The following SPIRE1 variants were observed in gnomAD, a reference collection of about 807,000 sequenced individuals.
The protein encoded by SPIRE1 is spire type actin nucleation factor 1.
SPIRE1 carries 40 observed loss-of-function variants against 94.1 expected under a neutral mutation model. The ratio of observed to expected loss-of-function variants is 0.43; its 90% CI spans 0.33 to 0.55. The LOEUF is 0.55. SPIRE1 is among the 20% of genes least tolerant of loss of function. The pLI is 0.06. For synonymous variants in SPIRE1, 376 were observed against 371.7 expected, an observed-to-expected ratio of 1.01 and a Z score of -0.13; for missense variants, 838 against 975.2, an observed-to-expected ratio of 0.86 and a Z score of 1.87.
chr18:12,531,512 G>A (rs912458750), intron 4 of SPIRE1, among the ~76,000 whole-genome samples: 1 of 152,100 alleles, frequency 6.6e-6, no homozygotes, highest in Non-Finnish European at 1.5e-5. Context: ...CACCTTTGCC[G>A]GACTGAAGGG....
chr18:12,646,909 T>C (rs2038243011), intron 1 of SPIRE1, among the ~76,000 whole-genome samples: 1 of 152,064 alleles, frequency 6.6e-6, no homozygotes, highest in Non-Finnish European at 1.5e-5. Flanking sequence ...CCAGGCGTGG[T>C]GGTGCATGCC....
At chr18:12,628,749 T>C (rs2037700086) in intron 2 of SPIRE1, among the ~76,000 whole-genome samples, 1 of 152,188 alleles carries the variant, frequency 6.6e-6, no homozygotes, top group Admixed American at 6.6e-5. Context: ...GTAGTTCTCC[T>C]TGAAGAGGTC....
chr18:12,452,715 AG>A lies in SPIRE1; in HGVS notation c.1848-204del, dbSNP rs1399554742. The A allele has an allele frequency of 3.5e-5, 22 of 630,296 alleles. 1 individual carries two copies. In the Middle Eastern group the frequency reaches 1.5e-3, roughly 42 times the overall value. 39.0% of individuals were successfully genotyped at this position (630,296 alleles called of 1,614,324 possible). A position where few individuals can be genotyped will look rare whatever the true frequency, so the allele number is the denominator to read the frequency against. On this transcript the variant is annotated intron_variant, in intron 14 of 16. Coordinates refer to ENST00000409402, the MANE Select transcript of SPIRE1 (RefSeq NM_001128626.2). ...TAACTCTTACACTGTCTCCTATAAA[AG>A]GATCAACTTACATGTGTTTGGAATT... is the stretch of plus-strand genomic sequence containing the variant.
At chr18:12,625,464 G>A (rs2037594588) in intron 2 of SPIRE1, among the ~76,000 whole-genome samples, 1 of 152,266 alleles carries the variant, frequency 6.6e-6, no homozygotes, top group East Asian at 1.9e-4. Flanking sequence ...AACTTCTTGT[G>A]ATGCAATTCC....
chr18:12,518,443 G>A (rs1228337751), intron 4 of SPIRE1, among the ~76,000 whole-genome samples: 16 of 151,432 alleles, frequency 1.1e-4, no homozygotes, highest in African/African-American at 3.6e-4. Context: ...AGTGAGCTGT[G>A]ATTGCATCAC....
chr18:12,480,243 C>T (rs759505312), intron 9 of SPIRE1, among the ~76,000 whole-genome samples: 1 of 152,088 alleles, frequency 6.6e-6, no homozygotes, highest in Non-Finnish European at 1.5e-5. Flanking sequence ...CAAAGCCTTA[C>T]CAGACACATG....
chr18:12,620,921 C>T (rs187675370), intron 2 of SPIRE1, among the ~76,000 whole-genome samples: 12 of 152,220 alleles, frequency 7.9e-5, no homozygotes, highest in South Asian at 2.1e-4. Flanking sequence ...ATTTTATCTA[C>T]ACTATATAAA....
intron 4 of SPIRE1, among the ~76,000 whole-genome samples, chr18:12,518,690 C>CAAAACA (rs532892954): frequency 9.4e-5 from 14 of 148,180 alleles, no homozygotes; most frequent in East Asian, 3.9e-4. Context: ...GACCCTGTCT[C>CAAAACA]AAAACAAAAA....
rs527239062 is a variant in SPIRE1 at position 12,538,130 on chromosome 18, G to A, written c.604-2529C>T. ...GCTAGTCAATGGCATAAATGGAACC[G>A]AAACCAGGTAGTCTCTCTGGAGCCC... On this transcript the variant is annotated intron_variant, in intron 3 of 16. Coordinates refer to ENST00000409402, the MANE Select transcript of SPIRE1 (RefSeq NM_001128626.2). 3.3e-5 allele frequency among the ~76,000 whole-genome samples: 5 copies of A among 152,166 alleles called. No individual in the cohort carries two copies. In the South Asian group the frequency reaches 6.2e-4, roughly 19 times the overall value.
At position 12,454,326 on chromosome 18, in the gene SPIRE1, T is replaced by C. The variant is rs373146018; in HGVS notation, c.1776+20A>G. On this transcript the variant is annotated intron_variant, in intron 13 of 16. Transcript: ENST00000409402. ...GCCATCCTTCTACTCTTCTGATCAA[T>C]CAACTTTAAACAGCACTACCTTTCC... is the stretch of plus-strand genomic sequence containing the variant. 2.0e-5 allele frequency: 33 copies of C among 1,613,694 alleles called. No homozygotes were observed. The highest frequency in any genetic ancestry group is 2.6e-5 in the Non-Finnish European group (31 of 1,179,776).
At chr18:12,616,779 A>G (rs2037319120) in intron 2 of SPIRE1, among the ~76,000 whole-genome samples, 1 of 152,266 alleles carries the variant, frequency 6.6e-6, no homozygotes, top group Admixed American at 6.5e-5. Flanking sequence ...CATCTTATTC[A>G]GCAATGCAAT....
chr18:12,475,789 C>T (rs2032545691), intron 10 of SPIRE1, among the ~76,000 whole-genome samples: 2 of 152,262 alleles, frequency 1.3e-5, no homozygotes, highest in African/African-American at 4.8e-5. Context: ...CTGGAAGAGA[C>T]CTAGAAATCA....
chr18:12,531,037 A>G (rs141583239), intron 4 of SPIRE1, among the ~76,000 whole-genome samples: 3,196 of 152,210 alleles, frequency 0.021, 57 homozygotes, highest in Non-Finnish European at 0.027. Context: ...ATGATACTCT[A>G]TCTTTTCTCA....
In SPIRE1 at chr18:12,455,635, G is replaced by A. The variant is rs576395388; in HGVS notation, c.1639-1152C>T. On this transcript the variant is annotated intron_variant, in intron 12 of 16. Coordinates refer to ENST00000409402, the MANE Select transcript of SPIRE1 (RefSeq NM_001128626.2). Reference sequence around the variant, plus strand: ...CCTCACACCCATCCGCTCCCCATCCGGCCCCGCACTTGATTGGTGGATCTC... The same window carrying A: ...CCTCACACCCATCCGCTCCCCATCCAGCCCCGCACTTGATTGGTGGATCTC... Among the ~76,000 whole-genome samples, 65 of 152,230 alleles carry A rather than the reference G, an allele frequency of 4.3e-4. 1 individual carries two copies. The highest frequency in any genetic ancestry group is 1.5e-3 in the African/African-American group (61 of 41,534).
intron 6 of SPIRE1, 104 bp from the exon 7 acceptor site, chr18:12,496,206 T>C (rs2033453050): frequency 1.4e-6 from 1 of 733,930 alleles, no homozygotes; most frequent in Admixed American, 2.1e-5. Context: ...TAGTGAAGTG[T>C]AATTACCAAG....
At chr18:12,588,114 T>C (rs2036437025) in intron 2 of SPIRE1, among the ~76,000 whole-genome samples, 1 of 152,234 alleles carries the variant, frequency 6.6e-6, no homozygotes, top group South Asian at 2.1e-4. Context: ...GAATGGCTTC[T>C]ACAACTTAGC....
intron 4 of SPIRE1, among the ~76,000 whole-genome samples, chr18:12,533,965 ACAC>A (rs1399455322): frequency 1.1e-4 from 16 of 151,494 alleles, no homozygotes; most frequent in African/African-American, 2.4e-4. Context: ...ACACACACAC[ACAC>A]AACTTATTTA....
rs557912088 is a variant in SPIRE1, at chr18:12,595,303, C to CAAT, written c.372+39756_372+39758dup. On this transcript the variant is annotated intron_variant, in intron 2 of 16. Coordinates refer to ENST00000409402, the MANE Select transcript of SPIRE1 (RefSeq NM_001128626.2). ...CCAGGGCAACAGAGCCAGACCCTGTCAATAATAATAATAATAACAATAATA... is the reference window on the plus strand; with the variant it reads ...CCAGGGCAACAGAGCCAGACCCTGTCAATAATAATAATAATAATAACAATAATA... Among the ~76,000 whole-genome samples, 427 of 151,694 alleles carry CAAT rather than the reference C, an allele frequency of 2.8e-3. 4 individuals are homozygous for CAAT. The highest frequency in any genetic ancestry group is 8.7e-3 in the African/African-American group (359 of 41,210).
chr18:12,636,184 T>G (rs781057793), intron 1 of SPIRE1: 1 of 152,234 alleles, frequency 6.6e-6, no homozygotes, highest in African/African-American at 2.4e-5. Context: ...TGAGCCACCA[T>G]GCCCAGTCAG....
Sources: gnomAD v4.1 joint callset for allele counts (sites outside exome capture counted in the v4.1 genomes callset) on GRCh38, gnomAD v4.1.1 for gene constraint, MANE v1.5 for transcripts, NCBI Gene and HGNC (gene_info 2026-07-23, HGNC 2026-07-21) for gene names.